INPP5E: variants seen among roughly 807,000 people sequenced by gnomAD.
INPP5E encodes phosphatidylinositol polyphosphate 5-phosphatase type IV.
In INPP5E, 34 loss-of-function variants were observed where a neutral mutation model predicts 50.5. That is an observed-to-expected ratio of 0.67 (90% CI 0.51 to 0.90). The LOEUF (loss-of-function observed/expected upper bound fraction) is 0.90. Among genes scored for constraint, INPP5E ranks in the 40% least tolerant of loss-of-function variants. INPP5E has a pLI of 0.00. For missense variants in INPP5E, 942 were observed against 905.5 expected (o/e 1.04, Z -0.52); for synonymous variants, 447 against 406.0 (o/e 1.10, Z -1.21).
In INPP5E at chr9:136,434,784, T is replaced by A. The variant is rs1835793809; in HGVS notation, c.892A>T (p.Asn298Tyr). The A allele has an allele frequency of 6.2e-7, 1 of 1,611,616 alleles. No individual in the cohort carries two copies. Among genetic ancestry groups the A allele is most frequent in the Admixed American group, 1.7e-5 (1 of 59,906 alleles). ...DELARYFPDR[N>Y]VALFVATWNM... ...CAGGTGGCCACGAAGAGTGCCACGT[T>A]CCGGTCTGGGAAGTAGCGGGCCAGC... is the stretch of plus-strand genomic sequence containing the variant. The change falls in exon 2 of 10, where the codon AAC (asparagine) becomes TAC (tyrosine). Residue 298 changes from asparagine (N) to tyrosine (Y), a missense_variant. Coordinates refer to ENST00000371712, the MANE Select transcript of INPP5E (RefSeq NM_019892.6).
rs374089192 is a variant in INPP5E, at chr9:136,433,249, C to T, written c.1065G>A (p.Thr355=). ...RREWETRLQE[T]LGPHYVLLSS... ...ACAGCAGCACATAGTGCGGGCCCAG[C>T]GTCTCCTGCAGACGAGTCTCCCACT... Residue 355 remains threonine (T), a synonymous_variant, in exon 4 of 10, where the codon ACG becomes ACA. Coordinates refer to ENST00000371712, the MANE Select transcript of INPP5E (RefSeq NM_019892.6). 69 of 1,590,222 alleles carry T rather than the reference C, an allele frequency of 4.3e-5. 1 individual carries two copies. In the African/African-American group the frequency reaches 5.3e-4, roughly 12 times the overall value.
In INPP5E at chr9:136,433,184, A is replaced by C. The variant is rs763499800; in HGVS notation, c.1130T>G (p.Ile377Ser). Residue 377 changes from isoleucine (I) to serine (S), a missense_variant, in exon 4 of 10, where the codon ATC (isoleucine) becomes AGC (serine). By Grantham distance (142) the Ile-to-Ser change is moderately radical. Transcript: ENST00000371712. ...GCAGAACCAGATGAGGTCCCTGCGGATGAAGAGCGACATGTAGAGCACGCC... is the reference window on the plus strand; with the variant it reads ...GCAGAACCAGATGAGGTCCCTGCGGCTGAAGAGCGACATGTAGAGCACGCC... Reference protein sequence around the residue: ...AHGVLYMSLFIRRDLIWFCSE... With the variant: ...AHGVLYMSLFSRRDLIWFCSE... 1 of 1,378,916 alleles carries C rather than the reference A, an allele frequency of 7.3e-7. No homozygotes were observed. The highest frequency in any genetic ancestry group is 9.9e-7 in the Non-Finnish European group (1 of 1,010,444). 85.4% of individuals were successfully genotyped at this position (1,378,916 alleles called of 1,614,324 possible).
rs1461388293 is a variant in INPP5E, at chr9:136,439,402, C to G, written c.18G>C (p.Glu6Asp). Residue 6 changes from glutamate (E) to aspartate (D), a missense_variant, in exon 1 of 10, where the codon GAG becomes GAC. By Grantham distance (45) the Glu-to-Asp change is conservative. Transcript: ENST00000371712. ...GGGCCGGCTCGGAGGGCCGCAGATTCTCCGCCTTGGACGGCATGGACGGTC... is the reference window on the plus strand; with the variant it reads ...GGGCCGGCTCGGAGGGCCGCAGATTGTCCGCCTTGGACGGCATGGACGGTC... MPSKA[E>D]NLRPSEPAPQ... 1.4e-5 allele frequency: 20 copies of G among 1,466,412 alleles called. No homozygotes were observed. The highest frequency in any genetic ancestry group is 1.5e-5 in the Non-Finnish European group (17 of 1,115,240). The allele number at this position is 1,466,412 out of a possible 1,614,324, so 90.8% of individuals were successfully genotyped here. A position where few individuals can be genotyped will look rare whatever the true frequency, so the allele number is the denominator to read the frequency against.
chr9:136,433,106 T>A, intron 4 of INPP5E, 31 bp from the exon 5 acceptor site: 1 of 1,502,712 alleles, frequency 6.7e-7, no homozygotes, highest in Non-Finnish European at 9.0e-7. Flanking sequence ...AGCTCACCTG[T>A]GGGACGCTGC....
At position 136,438,764 on chromosome 9, in the gene INPP5E, T is replaced by C. The variant is rs1269505347; in HGVS notation, c.656A>G (p.Tyr219Cys). Residue 219 changes from tyrosine (Y) to cysteine (C), a missense_variant, in exon 1 of 10, where the codon TAC (tyrosine) becomes TGC (cysteine). By Grantham distance (194) the Tyr-to-Cys change is radical (BLOSUM62 -2). Transcript: ENST00000371712. ...ANKVDSDLAD[Y>C]KLRAQPLLVR... ...CAGGAGCGGCTGCGCGCGGAGCTTG[T>C]AGTCTGCAAGATCCGAGTCGACCTT... 6.8e-6 allele frequency: 11 copies of C among 1,611,852 alleles called. No homozygotes were observed. Among genetic ancestry groups the C allele is most frequent in the South Asian group, 1.1e-5 (1 of 91,050 alleles).
chr9:136,431,209 C>A (rs1835691985), intron 7 of INPP5E, 92 bp from the exon 8 acceptor site: 1 of 729,204 alleles, frequency 1.4e-6, no homozygotes, highest in Non-Finnish European at 2.3e-6. Context: ...CCCACCACGC[C>A]CACCCTCCCC....
chr9:136,430,867 C>A, intron 8 of INPP5E, 135 bp downstream of exon 8: 1 of 710,666 alleles, frequency 1.4e-6, no homozygotes. Context: ...GGACTTGCCA[C>A]AAGGCCAAGG....
rs901555461 is a variant in INPP5E at position 136,439,488 on chromosome 9, T to A, written c.-69A>T. 1 of 1,200,742 alleles carries A rather than the reference T, an allele frequency of 8.3e-7. No homozygotes were observed. Among genetic ancestry groups the A allele is most frequent in the African/African-American group, 1.6e-5 (1 of 62,010 alleles). The allele number at this position is 1,200,742 out of a possible 1,614,324, so 74.4% of individuals were successfully genotyped here. ...AGCGCGAGGGGTCACGGGTGCCGGG[T>A]CCGGGGTCGCCGGCGCAGCGAGGAG... is the stretch of plus-strand genomic sequence containing the variant. On this transcript the variant is annotated 5_prime_UTR_variant, in exon 1 of 10. Transcript: ENST00000371712.
rs1488452546 is a variant in INPP5E at position 136,439,580 on chromosome 9, A to T, written c.-161T>A. On this transcript the variant is annotated 5_prime_UTR_variant, in exon 1 of 10. An upstream start codon of the reference 5' UTR is lost. Coordinates refer to ENST00000371712, the MANE Select transcript of INPP5E (RefSeq NM_019892.6). ...GCGGAGGGGCGGGGGCGGCTGCCGC[A>T]TGGCCCGGGCCCCGAGTCCCGCCAG... 2.0e-5 allele frequency: 9 copies of T among 451,334 alleles called. No homozygotes were observed. Among genetic ancestry groups the T allele is most frequent in the South Asian group, 9.2e-5 (1 of 10,848 alleles). 28.0% of individuals were successfully genotyped at this position (451,334 alleles called of 1,614,324 possible).
chr9:136,439,340 A>G lies in INPP5E; in HGVS notation c.80T>C (p.Leu27Pro). The G allele has an allele frequency of 7.0e-7, 1 of 1,423,950 alleles. No individual in the cohort carries two copies. The highest frequency in any genetic ancestry group is 9.1e-7 in the Non-Finnish European group (1 of 1,098,852). 88.2% of individuals were successfully genotyped at this position (1,423,950 alleles called of 1,614,324 possible). ...GCGCTGGGCCGGCGGAGCGCCGGGA[A>G]GCTGTCCTTGGAGCGTCCTCCCTTC... ...PPEGRTLQGQLPGAPPAQRAG... is the reference protein window; with the variant it reads ...PPEGRTLQGQPPGAPPAQRAG... The change falls in exon 1 of 10, where the codon CTT becomes CCT. Residue 27 changes from leucine to proline, a missense_variant. Coordinates refer to ENST00000371712, the MANE Select transcript of INPP5E (RefSeq NM_019892.6).
At chr9:136,432,036 T>A in intron 6 of INPP5E, 51 bp from the exon 7 acceptor site, 1 of 1,607,380 alleles carries the variant, frequency 6.2e-7, no homozygotes. Flanking sequence ...CGGCAGGTCC[T>A]TCCCCTTCCC....
chr9:136,434,957 A>G, intron 1 of INPP5E, 94 bp from the exon 2 acceptor site: 1 of 1,465,974 alleles, frequency 6.8e-7, no homozygotes. Flanking sequence ...AAACCCATGG[A>G]ATGTCAGGAG....
At chr9:136,438,317 C>A in intron 1 of INPP5E, 1 of 548,746 alleles carries the variant, frequency 1.8e-6, no homozygotes, top group Admixed American at 3.1e-5. Context: ...CGACATTTCC[C>A]AAGACTAAAC....
chr9:136,429,536 T>C lies in INPP5E; in HGVS notation c.*139A>G. ...CAGGCTCGCTCAGGGTTGGCTTCCTTCCTGGGACGCTGGCACAGAGGCACG... is the reference window on the plus strand; with the variant it reads ...CAGGCTCGCTCAGGGTTGGCTTCCTCCCTGGGACGCTGGCACAGAGGCACG... On this transcript the variant is annotated 3_prime_UTR_variant, in exon 10 of 10. Coordinates refer to ENST00000371712, the MANE Select transcript of INPP5E (RefSeq NM_019892.6). 1 of 1,181,962 alleles carries C rather than the reference T, an allele frequency of 8.5e-7. No individual in the cohort carries two copies. Among genetic ancestry groups the C allele is most frequent in the Middle Eastern group, 2.7e-4 (1 of 3,640 alleles). 73.2% of individuals were successfully genotyped at this position (1,181,962 alleles called of 1,614,324 possible).
At chr9:136,433,814 G>A (rs1181385279) in intron 3 of INPP5E, among the ~76,000 whole-genome samples, 3 of 152,184 alleles carry the variant, frequency 2.0e-5, no homozygotes, top group East Asian at 1.9e-4. Flanking sequence ...GCCGCCACCC[G>A]GGTCTCAGCG....
At chr9:136,430,236 C>A (rs1317770321) in intron 9 of INPP5E, 41 bp downstream of exon 9, 2 of 1,550,074 alleles carry the variant, frequency 1.3e-6, no homozygotes, top group African/African-American at 1.4e-5. Context: ...GACGGCACGA[C>A]CCCCAGGCCC....
rs750331066 is a variant in INPP5E, at chr9:136,431,980, C to T, written c.1393G>A (p.Val465Ile). The change falls in exon 7 of 10, where the codon GTC becomes ATC. Residue 465 changes from valine (V) to isoleucine (I), a missense_variant. Physicochemically the swap from Val to Ile is conservative, Grantham distance 29. Transcript: ENST00000371712. ...TNPYRSSAAD[V>I]TTRFDEVFWF... The stretch of plus-strand genomic sequence containing the variant: ...AACACCTCATCGAAGCGGGTGGTGA[C>T]GTCCGCTGCGGCACAGTGGGCCATG... 30 of 1,612,490 alleles carry T rather than the reference C, an allele frequency of 1.9e-5. No individual in the cohort carries two copies. Among genetic ancestry groups the T allele is most frequent in the East Asian group, 2.2e-5 (1 of 44,820 alleles).
chr9:136,433,035 C>G lies in INPP5E; in HGVS notation c.1200G>C (p.Gln400His). The part of the protein sequence containing the change: ...CSTVTTRIVS[Q>H]IKTKGALGIS... Reference sequence around the variant, plus strand: ...TGCCCAAGGCCCCCTTGGTCTTGATCTGAGACACGATGCGTGTGGTCACCG... The same window carrying G: ...TGCCCAAGGCCCCCTTGGTCTTGATGTGAGACACGATGCGTGTGGTCACCG... Residue 400 changes from glutamine to histidine, a missense_variant, in exon 5 of 10, where the codon CAG (glutamine) becomes CAC (histidine). Physicochemically the swap from Gln to His is conservative, Grantham distance 24 (BLOSUM62 0). Transcript: ENST00000371712. The G allele has an allele frequency of 2.5e-6, 4 of 1,613,596 alleles. No homozygotes were observed. The highest frequency in any genetic ancestry group is 3.4e-6 in the Non-Finnish European group (4 of 1,179,970).
Position 136,429,400 on chromosome 9 carries a change from C to T in INPP5E, c.*275G>A, listed in dbSNP as rs184676308. The T allele has an allele frequency of 9.9e-5, 54 of 544,688 alleles. No homozygotes were observed. Among genetic ancestry groups the T allele is most frequent in the East Asian group, 8.5e-4 (26 of 30,514 alleles). 33.7% of individuals were successfully genotyped at this position (544,688 alleles called of 1,614,324 possible). On this transcript the variant is annotated 3_prime_UTR_variant, in exon 10 of 10. Coordinates refer to ENST00000371712, the MANE Select transcript of INPP5E (RefSeq NM_019892.6). ...TCTGCCCCCGAGAGTGGCTGGGGTC[C>T]GTGGTGCTGCTGGGCGGGTCCAAAC...
Sources: gnomAD v4.1 joint callset for allele counts (sites outside exome capture counted in the v4.1 genomes callset) on GRCh38, gnomAD v4.1.1 for gene constraint, MANE v1.5 for transcripts, NCBI Gene and HGNC (gene_info 2026-07-23, HGNC 2026-07-21) for gene names.